Variants in NRG3 observed in about 807,000 individuals in gnomAD.
The protein encoded by NRG3 is neuregulin 3, also known as pro-neuregulin-3, membrane-bound isoform.
In NRG3, 31 loss-of-function variants were observed where a neutral mutation model predicts 66.9. That is an observed-to-expected ratio of 0.46 (90% confidence interval 0.35 to 0.63). The LOEUF is 0.63. NRG3 is among the 20% of genes least tolerant of loss of function. The pLI is 0.00. For synonymous variants in NRG3, 393 were observed against 359.4 expected, an observed-to-expected ratio of 1.09 and a Z score of -1.06; for missense variants, 910 against 878.9, an observed-to-expected ratio of 1.04 and a Z score of -0.45.
chr10:82,473,312 G>T (rs1293793798), intron 2 of NRG3, among the ~76,000 whole-genome samples: 1 of 152,186 alleles, frequency 6.6e-6, no homozygotes, highest in Non-Finnish European at 1.5e-5. Context: ...GAGTTATAAA[G>T]TAAGGAAGAA....
intron 1 of NRG3, among the ~76,000 whole-genome samples, chr10:82,123,607 C>T (rs1378383005): frequency 2.0e-5 from 3 of 152,166 alleles, no homozygotes; most frequent in Non-Finnish European, 2.9e-5. Flanking sequence ...AACAGTCTCC[C>T]TGCAAAGGTG....
chr10:82,836,695 C>A (rs2062793188), intron 3 of NRG3, among the ~76,000 whole-genome samples: 1 of 150,736 alleles, frequency 6.6e-6, no homozygotes, highest in African/African-American at 2.4e-5. Flanking sequence ...GTGCCATTTT[C>A]TTTTTTTATT....
In NRG3 at chr10:82,767,976, T is replaced by C. The variant is rs992089131; in HGVS notation, c.1027+29326T>C. ...GCGTATGTCCATAGTGCTCCTCACC[T>C]TGGAGCAGGCCTTCATTTTAAGATG... On this transcript the variant is annotated intron_variant, in intron 3 of 8. Coordinates refer to ENST00000372141, the MANE Select transcript of NRG3 (RefSeq NM_001010848.4). Among the ~76,000 whole-genome samples, 33 of 151,994 alleles carry C rather than the reference T, an allele frequency of 2.2e-4. 1 individual carries two copies. Among genetic ancestry groups the C allele is most frequent in the Admixed American group, 2.2e-3 (33 of 15,238 alleles).
At chr10:82,952,235 C>T (rs1261438724) in intron 5 of NRG3, among the ~76,000 whole-genome samples, 1 of 151,928 alleles carries the variant, frequency 6.6e-6, no homozygotes, top group East Asian at 1.9e-4. Context: ...GAGTTCAAGA[C>T]CAGCCTGACC....
intron 4 of NRG3, among the ~76,000 whole-genome samples, chr10:82,882,196 C>T (rs759338030): frequency 4.6e-5 from 7 of 152,102 alleles, no homozygotes; most frequent in South Asian, 2.1e-4. Flanking sequence ...GTGTATAAGG[C>T]GCTTATGTGT....
intron 2 of NRG3, among the ~76,000 whole-genome samples, chr10:82,514,503 G>T (rs185798620): frequency 6.6e-6 from 1 of 152,034 alleles, no homozygotes. Context: ...GTAGATGTGC[G>T]GTCTTGTGTC....
chr10:82,832,640 T>C (rs909431744), intron 3 of NRG3, among the ~76,000 whole-genome samples: 1 of 152,170 alleles, frequency 6.6e-6, no homozygotes, highest in Non-Finnish European at 1.5e-5. Context: ...TTCAAAAGTG[T>C]GCGATGAGAG....
chr10:82,881,453 T>C (rs1015879041), intron 4 of NRG3, among the ~76,000 whole-genome samples: 1 of 152,342 alleles, frequency 6.6e-6, no homozygotes, highest in Middle Eastern at 3.4e-3. Context: ...GTCACAAACA[T>C]GCTTGTATGA....
chr10:82,922,374 A>G (rs960569862), intron 4 of NRG3, among the ~76,000 whole-genome samples: 2 of 152,144 alleles, frequency 1.3e-5, no homozygotes, highest in Admixed American at 6.6e-5. Context: ...AATTGATCCA[A>G]TATTTCAATT....
intron 3 of NRG3, among the ~76,000 whole-genome samples, chr10:82,745,918 G>A (rs985148024): frequency 3.3e-5 from 5 of 152,068 alleles, no homozygotes; most frequent in African/African-American, 4.8e-5. Flanking sequence ...TAGAGGCAGG[G>A]TCTTGCTCTG....
At chr10:82,578,637 T>G (rs1417104785) in intron 2 of NRG3, among the ~76,000 whole-genome samples, 1 of 151,544 alleles carries the variant, frequency 6.6e-6, no homozygotes, top group Non-Finnish European at 1.5e-5. Flanking sequence ...ACAAACCAAG[T>G]CTATTGCATT....
chr10:82,552,170 T>G (rs1388408165), intron 2 of NRG3, among the ~76,000 whole-genome samples: 3 of 152,266 alleles, frequency 2.0e-5, no homozygotes, highest in Non-Finnish European at 4.4e-5. Flanking sequence ...TCCATATTTT[T>G]TTTTACATAT....
At chr10:82,479,245 T>C (rs539789864) in intron 2 of NRG3, among the ~76,000 whole-genome samples, 1 of 152,248 alleles carries the variant, frequency 6.6e-6, no homozygotes, top group East Asian at 1.9e-4. Context: ...GTCTGAAATA[T>C]AGGAATAAAA....
chr10:82,140,389 G>C (rs947721598), intron 1 of NRG3, among the ~76,000 whole-genome samples: 2 of 152,140 alleles, frequency 1.3e-5, no homozygotes, highest in Non-Finnish European at 2.9e-5. Flanking sequence ...TTGCATGCAT[G>C]AAACAAAGTA....
chr10:82,246,287 T>G (rs2077240517), intron 1 of NRG3, among the ~76,000 whole-genome samples: 1 of 152,222 alleles, frequency 6.6e-6, no homozygotes, highest in African/African-American at 2.4e-5. Flanking sequence ...TGGCCTATTT[T>G]GCTTTCACAT....
chr10:82,663,511 G>A (rs7903129), intron 2 of NRG3, among the ~76,000 whole-genome samples: 9,927 of 152,144 alleles, frequency 0.065, 1,062 homozygotes, highest in African/African-American at 0.23. Flanking sequence ...AGTTAGCAAA[G>A]GAGGAAGGAG....
chr10:82,924,787 T>C (rs1453458463), intron 4 of NRG3, among the ~76,000 whole-genome samples: 1 of 152,180 alleles, frequency 6.6e-6, no homozygotes, highest in East Asian at 1.9e-4. Context: ...TACAAGCTGT[T>C]CTTTGATATC....
chr10:82,885,964 C>G (rs555147745), intron 4 of NRG3, among the ~76,000 whole-genome samples: 2 of 152,102 alleles, frequency 1.3e-5, no homozygotes, highest in African/African-American at 2.4e-5. Flanking sequence ...CTCCGCCTCC[C>G]GGGCCCAAGG....
At chr10:82,820,866 G>T (rs1351254341) in intron 3 of NRG3, among the ~76,000 whole-genome samples, 2 of 152,210 alleles carry the variant, frequency 1.3e-5, no homozygotes, top group African/African-American at 4.8e-5. Context: ...TCTCATTAGA[G>T]AATAGGTAAA....
Sources: allele counts gnomAD v4.1 joint callset (sites outside exome capture counted in the v4.1 genomes callset), GRCh38; gene constraint gnomAD v4.1.1; transcripts MANE v1.5; gene names NCBI Gene and HGNC (gene_info 2026-07-23, HGNC 2026-07-21).